The following SPMIP1 variants were observed in gnomAD, a reference collection of about 807,000 sequenced individuals.
The protein encoded by SPMIP1 is protein SPMIP1.
the SPMIP1 span, chr7:128,866,628 C>T: frequency 6.5e-7 from 1 of 1,535,150 alleles, no homozygotes; most frequent in Non-Finnish European, 8.7e-7. Context: ...CAGCCCCTTC[C>T]AAGGTGCCCA....
chr7:128,867,584 T>C, the SPMIP1 span, among the ~76,000 whole-genome samples: 1 of 151,684 alleles, frequency 6.6e-6, no homozygotes, highest in South Asian at 2.1e-4. Flanking sequence ...TTTTTTCTTT[T>C]TCTTTTTGAA....
the SPMIP1 span, chr7:128,870,183 T>C: frequency 6.6e-6 from 1 of 152,338 alleles, no homozygotes; most frequent in Admixed American, 6.5e-5. Flanking sequence ...GGCTTTGGAG[T>C]CTGTGCTTTC....
the SPMIP1 span, chr7:128,868,953 A>T: frequency 0.08 from 44,342 of 554,838 alleles, 3,769 homozygotes; most frequent in East Asian, 0.29. Flanking sequence ...AACCCTCATC[A>T]CTTTAATCAT....
chr7:128,866,961 C>A, the SPMIP1 span: 1 of 920,274 alleles, frequency 1.1e-6, no homozygotes. Flanking sequence ...ACACGTTCCA[C>A]AGAACTAGGG....
the SPMIP1 span, chr7:128,869,643 G>C: frequency 6.6e-6 from 1 of 152,168 alleles, no homozygotes; most frequent in African/African-American, 2.4e-5. Flanking sequence ...TGCTGCTCAC[G>C]GTCCCGCCGG....
the SPMIP1 span, chr7:128,866,406 C>T: frequency 6.6e-7 from 1 of 1,511,558 alleles, no homozygotes; most frequent in Middle Eastern, 1.7e-4. Flanking sequence ...CTTCCCTGGC[C>T]ACCATGTCAC....
the SPMIP1 span, chr7:128,868,690 T>C: frequency 6.5e-7 from 1 of 1,535,558 alleles, no homozygotes; most frequent in Non-Finnish European, 8.7e-7. Context: ...CAAGAACTGG[T>C]CTCCTGCAAG....
At chr7:128,869,634 G>C in the SPMIP1 span, 1 of 152,228 alleles carries the variant, frequency 6.6e-6, no homozygotes, top group Non-Finnish European at 1.5e-5. Flanking sequence ...CGGAGCCGCT[G>C]CTGCTCACGG....
At chr7:128,870,689 G>C in the SPMIP1 span, 1 of 152,220 alleles carries the variant, frequency 6.6e-6, no homozygotes, top group Non-Finnish European at 1.5e-5. Flanking sequence ...TCTTTTCTGG[G>C]TCTCAGGCTC....
the SPMIP1 span, chr7:128,871,971 ACTTTT>A: frequency 2.0e-5 from 3 of 152,214 alleles, no homozygotes; most frequent in African/African-American, 7.2e-5. Flanking sequence ...AATTATTGGC[ACTTTT>A]CTTCTCTCTC....
the SPMIP1 span, among the ~76,000 whole-genome samples, chr7:128,867,069 A>G: frequency 6.6e-6 from 1 of 152,218 alleles, no homozygotes; most frequent in African/African-American, 2.4e-5. Flanking sequence ...CCAGATGATA[A>G]GGATGGGTTT....
At chr7:128,869,245 C>T in the SPMIP1 span, 1 of 198,110 alleles carries the variant, frequency 5.0e-6, no homozygotes, top group Non-Finnish European at 1.0e-5. Flanking sequence ...CGCCGCCCAG[C>T]CGCGTCCTCC....
At chr7:128,867,331 A>G in the SPMIP1 span, among the ~76,000 whole-genome samples, 10 of 152,188 alleles carry the variant, frequency 6.6e-5, no homozygotes, top group African/African-American at 2.4e-4. Context: ...TCACCCATGG[A>G]TAGAATGTGA....
At chr7:128,868,799 G>A in the SPMIP1 span, 2 of 1,490,882 alleles carry the variant, frequency 1.3e-6, no homozygotes, top group Non-Finnish European at 1.8e-6. Context: ...GTGGGCTTAG[G>A]GGAGGGAAGA....
chr7:128,866,678 C>T, the SPMIP1 span: 272 of 1,535,822 alleles, frequency 1.8e-4, 2 homozygotes, highest in South Asian at 1.3e-3. Context: ...GAAATGTACC[C>T]GGTACCACCT....
At chr7:128,867,106 T>G in the SPMIP1 span, among the ~76,000 whole-genome samples, 1 of 152,198 alleles carries the variant, frequency 6.6e-6, no homozygotes, top group Non-Finnish European at 1.5e-5. Flanking sequence ...GCAGGGAAGC[T>G]GATGGAGGGT....
the SPMIP1 span, chr7:128,868,997 TG>T: frequency 2.2e-6 from 1 of 459,188 alleles, no homozygotes; most frequent in Non-Finnish European, 3.9e-6. Flanking sequence ...CAGAGGGTGC[TG>T]GGAAGGGCGA....
the SPMIP1 span, chr7:128,866,654 C>A: frequency 5.2e-6 from 8 of 1,524,736 alleles, no homozygotes; most frequent in South Asian, 2.4e-5. Flanking sequence ...GTCCCAGAGG[C>A]GCCTTTTCAG....
chr7:128,869,402 GC>G, the SPMIP1 span: 6 of 152,884 alleles, frequency 3.9e-5, no homozygotes, highest in African/African-American at 1.4e-4. Context: ...CTCGGCCCCT[GC>G]CCCGCGCAGG....
Sources: gnomAD v4.1 joint callset for allele counts (sites outside exome capture counted in the v4.1 genomes callset) on GRCh38, gnomAD v4.1.1 for gene constraint, MANE v1.5 for transcripts, NCBI Gene and HGNC (gene_info 2026-07-23, HGNC 2026-07-21) for gene names.